The following ABCC5 variants were observed in gnomAD, a reference collection of about 807,000 sequenced individuals.
ABCC5 encodes ATP-binding cassette sub-family C member 5.
In ABCC5, 61 loss-of-function variants were observed where a neutral mutation model predicts 160.9. The ratio of observed to expected loss-of-function variants is 0.38; its 90% confidence interval spans 0.31 to 0.47. The LOEUF is 0.47. Ranked by LOEUF, ABCC5 falls within the 20% of genes least tolerant of loss-of-function variation. ABCC5 has a pLI of 0.99. For missense variants in ABCC5, 1,308 were observed against 1,813.3 expected, an observed-to-expected ratio of 0.72 and a Z score of 5.06; for synonymous variants, 666 against 700.6, an observed-to-expected ratio of 0.95 and a Z score of 0.78.
chr3:183,980,163 C>T (rs1485346005), intron 8 of ABCC5, among the ~76,000 whole-genome samples: 1 of 152,228 alleles, frequency 6.6e-6, no homozygotes, highest in Non-Finnish European at 1.5e-5. Context: ...GCATGTACCA[C>T]TGTACCTGGC....
chr3:184,011,698 A>G (rs76524069), intron 2 of ABCC5, among the ~76,000 whole-genome samples: 1,802 of 152,304 alleles, frequency 0.012, 46 homozygotes, highest in African/African-American at 0.041. Context: ...CATCTATAAC[A>G]CGGAATGCTA....
intron 25 of ABCC5, among the ~76,000 whole-genome samples, chr3:183,939,270 T>C (rs1714054635): frequency 6.6e-6 from 1 of 152,130 alleles, no homozygotes; most frequent in African/African-American, 2.4e-5. Context: ...CTGTCTCTAC[T>C]ATAAATACAA....
chr3:183,957,187 A>C (rs1484833573), intron 17 of ABCC5, among the ~76,000 whole-genome samples: 1 of 117,934 alleles, frequency 8.5e-6, no homozygotes, highest in Non-Finnish European at 1.9e-5. Flanking sequence ...TGTGTATATC[A>C]CATCGGTTAC....
chr3:184,002,047 C>A (rs1283922774), intron 2 of ABCC5, among the ~76,000 whole-genome samples: 1 of 152,040 alleles, frequency 6.6e-6, no homozygotes, highest in Non-Finnish European at 1.5e-5. Flanking sequence ...TTTTTCCTAC[C>A]AAGGTAATGG....
In ABCC5 at chr3:183,951,941, A is replaced by G. The variant is rs1715397008; in HGVS notation, c.2730T>C (p.His910=). 6.2e-7 allele frequency: 1 copy of G among 1,613,636 alleles called. No homozygotes were observed. Among genetic ancestry groups the G allele is most frequent in the East Asian group, 2.2e-5 (1 of 44,886 alleles). ...SVSDSMKDNP[H]MQYYASIYAL... is the part of the protein sequence containing the mutation. Reference sequence around the variant, plus strand: ...CGTAGATGCTGGCATAGTACTGCATATGAGGATTGTCCTTCATGCTGTCAC... The same window carrying G: ...CGTAGATGCTGGCATAGTACTGCATGTGAGGATTGTCCTTCATGCTGTCAC... Residue 910 remains histidine, a synonymous_variant, in exon 19 of 30, where the codon CAT becomes CAC. Coordinates refer to ENST00000334444, the MANE Select transcript of ABCC5 (RefSeq NM_005688.4). The surrounding 1 kb of genome is among the most constrained non-coding windows in gnomAD (Gnocchi z 4.7).
At chr3:183,980,847 G>C (rs1175924086) in intron 8 of ABCC5, among the ~76,000 whole-genome samples, 1 of 151,838 alleles carries the variant, frequency 6.6e-6, no homozygotes, top group African/African-American at 2.4e-5. Flanking sequence ...CGAATAGCTG[G>C]GATTACAGGC....
chr3:183,937,193 A>G (rs1370493799), intron 26 of ABCC5, among the ~76,000 whole-genome samples: 2 of 152,258 alleles, frequency 1.3e-5, no homozygotes, highest in South Asian at 2.1e-4. Context: ...CCTGGCCAAC[A>G]TGGTGAAACC....
At chr3:183,993,483 CAAAA>C (rs57885159) in intron 2 of ABCC5, among the ~76,000 whole-genome samples, 2 of 105,486 alleles carry the variant, frequency 1.9e-5, no homozygotes, top group African/African-American at 7.0e-5. Context: ...GACCCTGTCT[CAAAA>C]AAAAAAAAAA....
intron 7 of ABCC5, 95 bp from the exon 8 acceptor site, chr3:183,981,969 TA>T: frequency 7.1e-7 from 1 of 1,408,040 alleles, no homozygotes; most frequent in Non-Finnish European, 9.5e-7. Context: ...AATGAGCATA[TA>T]ATCCTGCTTG....
chr3:183,951,434 G>T lies in ABCC5; in HGVS notation c.2944+7C>A. 1 of 1,613,874 alleles carries T rather than the reference G, an allele frequency of 6.2e-7. No individual in the cohort carries two copies. The highest frequency in any genetic ancestry group is 8.5e-7 in the Non-Finnish European group (1 of 1,179,940). On this transcript the variant is annotated splice_region_variant and intron_variant, in intron 20 of 29. Coordinates refer to ENST00000334444, the MANE Select transcript of ABCC5 (RefSeq NM_005688.4). This position sits in a 1 kb window ranked among gnomAD's most constrained non-coding sequence, Gnocchi z 4.7. ...AGAGTATTAAAAAAAGGCTCAGTGA[G>T]AAATACCTTCATCCATGTCTTTGGA... is the stretch of plus-strand genomic sequence containing the variant.
intron 2 of ABCC5, among the ~76,000 whole-genome samples, chr3:184,005,643 AG>A (rs915552861): frequency 1.8e-5 from 2 of 109,602 alleles, no homozygotes; most frequent in African/African-American, 3.3e-5. Flanking sequence ...ATGAACAGGG[AG>A]GGGGGAGGGA....
In ABCC5 at chr3:183,951,202, G is replaced by A. The variant is rs1318014356; in HGVS notation, c.2944+239C>T. ...ACCAATGCATTGCTTTAAAATCTGT[G>A]TGTGTTTCAGAATCTCAGATGCCTC... On this transcript the variant is annotated intron_variant, in intron 20 of 29. Coordinates refer to ENST00000334444, the MANE Select transcript of ABCC5 (RefSeq NM_005688.4). This position sits in a 1 kb window ranked among gnomAD's most constrained non-coding sequence, Gnocchi z 4.7. Among the ~76,000 whole-genome samples, 3 of 152,204 alleles carry A rather than the reference G, an allele frequency of 2.0e-5. No individual in the cohort carries two copies. The highest frequency in any genetic ancestry group is 6.5e-5 in the Admixed American group (1 of 15,288).
At chr3:183,992,601 C>T (rs759771673) in intron 2 of ABCC5, among the ~76,000 whole-genome samples, 9 of 151,832 alleles carry the variant, frequency 5.9e-5, no homozygotes, top group East Asian at 1.9e-4. Flanking sequence ...CTGGCTAACA[C>T]GGTGAAACCC....
In ABCC5 at chr3:183,967,765, C is replaced by T. The variant is rs1183787206; in HGVS notation, c.1763G>A (p.Gly588Asp). 5 of 1,613,056 alleles carry T rather than the reference C, an allele frequency of 3.1e-6. No homozygotes were observed. The East Asian group carries it at 1.1e-4, about 36-fold the overall frequency. Reference sequence around the variant, plus strand: ...ACTGCCACAGATTCCAACCAGTTTACCCTGGACAAGGCACACAGAGAGGAG... The same window carrying T: ...ACTGCCACAGATTCCAACCAGTTTATCCTGGACAAGGCACACAGAGAGGAG... ...LHSIDLEIQE[G>D]KLVGICGSVG... Residue 588 changes from glycine to aspartate, a missense_variant and splice_region_variant, in exon 12 of 30, where the codon GGT becomes GAT. Gly to Asp is a moderately conservative substitution (Grantham distance 94). Around this residue, in one of 3 missense-constraint regions of ABCC5, gnomAD observed 1,142 missense variants for 1,527.1 expected, o/e 0.75. Coordinates refer to ENST00000334444, the MANE Select transcript of ABCC5 (RefSeq NM_005688.4).
chr3:183,998,519 T>C (rs1720459886), intron 2 of ABCC5, among the ~76,000 whole-genome samples: 1 of 152,140 alleles, frequency 6.6e-6, no homozygotes, highest in South Asian at 2.1e-4. Context: ...TTACAGATAC[T>C]AACTAATTTA....
chr3:183,937,024 G>T (rs1713794604), intron 26 of ABCC5, among the ~76,000 whole-genome samples: 1 of 152,216 alleles, frequency 6.6e-6, no homozygotes, highest in Non-Finnish European at 1.5e-5. Flanking sequence ...AAAGGTAGGG[G>T]AAGATAGTAG....
chr3:183,977,855 C>A (rs1265559154), intron 9 of ABCC5, among the ~76,000 whole-genome samples: 2 of 152,044 alleles, frequency 1.3e-5, no homozygotes, highest in East Asian at 3.9e-4. Context: ...CAGGTTCAAG[C>A]AATTCTCCTG....
At chr3:183,984,910 G>T (rs1560033625) in intron 5 of ABCC5, 1 of 1,560,894 alleles carries the variant, frequency 6.4e-7, no homozygotes, top group African/African-American at 1.3e-5. Flanking sequence ...AGGACAGCAG[G>T]TGGTTGCCTT....
At chr3:183,942,678 T>C in intron 25 of ABCC5, 49 bp downstream of exon 25, 6 of 1,586,332 alleles carry the variant, frequency 3.8e-6, no homozygotes, top group Non-Finnish European at 5.2e-6. Context: ...TGATATTTCA[T>C]AAACTGCTAC....
Sources: allele counts gnomAD v4.1 joint callset (sites outside exome capture counted in the v4.1 genomes callset), GRCh38; gene constraint gnomAD v4.1.1; regional missense constraint gnomAD v4.1.1; non-coding constraint Gnocchi (gnomAD v3.1); transcripts MANE v1.5; gene names NCBI Gene and HGNC (gene_info 2026-07-23, HGNC 2026-07-21).